Variants in PBX1 observed in about 807,000 individuals in gnomAD.
PBX1 encodes the protein pre-B-cell leukemia transcription factor 1.
In PBX1, 6 loss-of-function variants were observed where a neutral mutation model predicts 53.4. The ratio of observed to expected loss-of-function variants is 0.11; its 90% CI spans 0.06 to 0.22. The LOEUF (loss-of-function observed/expected upper bound fraction) is 0.22. PBX1 is among the 10% of genes least tolerant of loss of function. PBX1 has a pLI of 1.00. For missense variants in PBX1, 251 were observed against 551.4 expected, an observed-to-expected ratio of 0.46 and a Z score of 5.46; for synonymous variants, 204 against 212.3, an observed-to-expected ratio of 0.96 and a Z score of 0.34.
chr1:164,646,647 G>A (rs887312601), intron 2 of PBX1, among the ~76,000 whole-genome samples: 6 of 152,194 alleles, frequency 3.9e-5, no homozygotes, highest in Admixed American at 3.9e-4. Flanking sequence ...ACATACCTGT[G>A]TACATTTGTT....
chr1:164,789,783 A>AC lies in PBX1; in HGVS notation c.266-2709dup, dbSNP rs554433919. Among the ~76,000 whole-genome samples the AC allele has an allele frequency of 4.8e-4, 73 of 152,334 alleles. 1 individual carries two copies. Among genetic ancestry groups the AC allele is most frequent in the South Asian group, 2.3e-3 (11 of 4,834 alleles). On this transcript the variant is annotated intron_variant, in intron 2 of 8. Coordinates refer to ENST00000420696, the MANE Select transcript of PBX1 (RefSeq NM_002585.4). ...GGCATTAACACCCAGCTGAAGGGTT[A>AC]CCAGCCTCAGCTTCGTGGGGAATGT...
At chr1:164,631,568 A>G (rs1343934621) in intron 2 of PBX1, among the ~76,000 whole-genome samples, 2 of 152,238 alleles carry the variant, frequency 1.3e-5, no homozygotes, top group Admixed American at 6.5e-5. Flanking sequence ...TTATTGGAGA[A>G]GCTCATTTCT....
At chr1:164,719,437 TA>T (rs2102100242) in intron 2 of PBX1, among the ~76,000 whole-genome samples, 1 of 152,340 alleles carries the variant, frequency 6.6e-6, no homozygotes, top group South Asian at 2.1e-4. Flanking sequence ...TTGTCCTGAG[TA>T]AAAGCTTTAG....
intron 2 of PBX1, among the ~76,000 whole-genome samples, chr1:164,643,778 G>A (rs1659291910): frequency 1.3e-5 from 2 of 152,216 alleles, no homozygotes; most frequent in South Asian, 4.1e-4. Flanking sequence ...AAGTTTGAGA[G>A]GCTAAATTCA....
At chr1:164,745,838 G>GT (rs1414346062) in intron 2 of PBX1, among the ~76,000 whole-genome samples, 1 of 152,128 alleles carries the variant, frequency 6.6e-6, no homozygotes, top group African/African-American at 2.4e-5. Context: ...ATGACTGAAC[G>GT]TAACTGACCT....
chr1:164,811,820 T>G (rs1669627159), intron 5 of PBX1, among the ~76,000 whole-genome samples, 170 bp from the exon 6 acceptor site: 1 of 152,200 alleles, frequency 6.6e-6, no homozygotes, highest in Non-Finnish European at 1.5e-5. Flanking sequence ...TTTATGTAGT[T>G]GTCCTTTTGA....
At chr1:164,844,119 T>C (rs866889932) in intron 8 of PBX1, among the ~76,000 whole-genome samples, 10 of 148,482 alleles carry the variant, frequency 6.7e-5, no homozygotes, top group South Asian at 2.3e-4. Flanking sequence ...TTCTTTCTTT[T>C]TTTTTTTTTT....
chr1:164,658,242 C>T (rs1418016244), intron 2 of PBX1, among the ~76,000 whole-genome samples: 1 of 151,998 alleles, frequency 6.6e-6, no homozygotes, highest in African/African-American at 2.4e-5. Context: ...AATTCTGCAG[C>T]CACTGTTTAG....
chr1:164,811,467 C>T (rs1356701598), intron 5 of PBX1, among the ~76,000 whole-genome samples: 1 of 152,076 alleles, frequency 6.6e-6, no homozygotes, highest in African/African-American at 2.4e-5. Context: ...TTATATTGAT[C>T]CTAAGGTCTA....
intron 2 of PBX1, among the ~76,000 whole-genome samples, chr1:164,699,667 G>A (rs1364953491): frequency 6.6e-6 from 1 of 152,154 alleles, no homozygotes; most frequent in Non-Finnish European, 1.5e-5. Context: ...TCACTTCTTT[G>A]TCTAAAAGGG....
chr1:164,601,513 A>C (rs1656172786), intron 2 of PBX1, among the ~76,000 whole-genome samples: 1 of 152,168 alleles, frequency 6.6e-6, no homozygotes, highest in African/African-American at 2.4e-5. Flanking sequence ...AGGGGAAAAA[A>C]CCATCTCACT....
chr1:164,792,785 G>A (rs759077201), intron 3 of PBX1, 47 bp downstream of exon 3: 1 of 1,431,206 alleles, frequency 7.0e-7, no homozygotes, highest in Non-Finnish European at 9.6e-7. Context: ...TTTAGGAAAG[G>A]GTGGAGGAAG....
chr1:164,579,726 G>A (rs755108725), intron 2 of PBX1, among the ~76,000 whole-genome samples: 1 of 152,042 alleles, frequency 6.6e-6, no homozygotes, highest in Non-Finnish European at 1.5e-5. Context: ...CTGGGCCCCA[G>A]TAGTGGTGGA....
At chr1:164,799,443 A>G (rs1001469743) in intron 3 of PBX1, among the ~76,000 whole-genome samples, 1 of 152,220 alleles carries the variant, frequency 6.6e-6, no homozygotes, top group East Asian at 1.9e-4. Context: ...GTGAGCCGAT[A>G]TCGTGCCACT....
At chr1:164,776,445 A>G (rs966143106) in intron 2 of PBX1, among the ~76,000 whole-genome samples, 3 of 152,162 alleles carry the variant, frequency 2.0e-5, no homozygotes, top group Admixed American at 6.5e-5. Flanking sequence ...TGGGCCACAT[A>G]ATACCTCTTG....
At chr1:164,636,990 T>C (rs1369391419) in intron 2 of PBX1, among the ~76,000 whole-genome samples, 5 of 152,166 alleles carry the variant, frequency 3.3e-5, no homozygotes, top group Admixed American at 6.5e-5. Context: ...TTTGCACTTA[T>C]AGAAATGTAG....
At chr1:164,654,455 T>C (rs1160155198) in intron 2 of PBX1, among the ~76,000 whole-genome samples, 1 of 152,224 alleles carries the variant, frequency 6.6e-6, no homozygotes, top group Non-Finnish European at 1.5e-5. Context: ...ATGGCCTTTG[T>C]CATTAAATCC....
intron 2 of PBX1, among the ~76,000 whole-genome samples, chr1:164,564,353 A>T (rs1462044186): frequency 6.6e-6 from 1 of 152,160 alleles, no homozygotes; most frequent in Non-Finnish European, 1.5e-5. Flanking sequence ...GAAAGTGACA[A>T]TAAATATGAT....
At chr1:164,600,246 C>CTTTTT (rs71097539) in intron 2 of PBX1, among the ~76,000 whole-genome samples, 32 of 121,868 alleles carry the variant, frequency 2.6e-4, no homozygotes, top group East Asian at 6.5e-4. Context: ...TATGCTGCTG[C>CTTTTT]TTTTTTTTTT....
Sources: allele counts gnomAD v4.1 joint callset (sites outside exome capture counted in the v4.1 genomes callset), GRCh38; gene constraint gnomAD v4.1.1; transcripts MANE v1.5; gene names NCBI Gene and HGNC (gene_info 2026-07-23, HGNC 2026-07-21).